Variants in CBX5 observed in about 807,000 individuals in gnomAD.
CBX5 encodes the protein chromobox protein homolog 5.
A neutral mutation model predicts 20.7 loss-of-function variants in CBX5; 7 were observed. The ratio of observed to expected loss-of-function variants is 0.34; its 90% CI spans 0.19 to 0.63. The LOEUF (loss-of-function observed/expected upper bound fraction) is 0.63. Among genes scored for constraint, CBX5 ranks in the 30% least tolerant of loss-of-function variants. The pLI is 0.75. For missense variants in CBX5, 110 were observed against 224.1 expected (o/e 0.49, Z 3.25); for synonymous variants, 78 against 77.0 (o/e 1.01, Z -0.07).
At position 54,257,680 on chromosome 12, in the gene CBX5, G is replaced by A. The variant is rs753302069; in HGVS notation, c.-30C>T. 6.8e-6 allele frequency: 11 copies of A among 1,613,782 alleles called. No homozygotes were observed. Among genetic ancestry groups the A allele is most frequent in the Non-Finnish European group, 8.5e-6 (10 of 1,179,844 alleles). On this transcript the variant is annotated 5_prime_UTR_variant, in exon 2 of 5. Coordinates refer to ENST00000209875, the MANE Select transcript of CBX5 (RefSeq NM_012117.3). The stretch of plus-strand genomic sequence containing the variant: ...CACACCGTTCCACCTGAAAGACTAA[G>A]GCCACCAGGTCCCTGCAAAGGCAAA...
At chr12:54,253,826 G>C (rs1273474336) in intron 2 of CBX5, among the ~76,000 whole-genome samples, 1 of 149,516 alleles carries the variant, frequency 6.7e-6, no homozygotes, top group East Asian at 2.0e-4. Flanking sequence ...GCAGTGGTGT[G>C]ATATCGGCTC....
At position 54,235,326 on chromosome 12, in the gene CBX5, C is replaced by CA. The variant is rs1287454473; in HGVS notation, c.*6428dup. On this transcript the variant is annotated 3_prime_UTR_variant, in exon 5 of 5. Coordinates refer to ENST00000209875, the MANE Select transcript of CBX5 (RefSeq NM_012117.3). ...CTGATACAATTCTCTGCTTAGAAAT[C>CA]ACCCTCTCGGCCCGGCGGTGGCTCA... 1.1e-4 allele frequency: 16 copies of CA among 152,344 alleles called. No homozygotes were observed. In the East Asian group the frequency reaches 3.1e-3, roughly 29 times the overall value. 9.4% of individuals were successfully genotyped at this position (152,344 alleles called of 1,614,324 possible).
chr12:54,249,905 A>G (rs1037086599), intron 3 of CBX5, among the ~76,000 whole-genome samples: 13 of 152,052 alleles, frequency 8.5e-5, no homozygotes, highest in Non-Finnish European at 1.6e-4. Flanking sequence ...GAGAATATAA[A>G]TGCCACTGAA....
intron 1 of CBX5, among the ~76,000 whole-genome samples, chr12:54,275,967 G>T (rs1944060801): frequency 6.9e-6 from 1 of 144,548 alleles, no homozygotes; most frequent in Non-Finnish European, 1.5e-5. Flanking sequence ...TCCAGACTGG[G>T]CAACAAGAGC....
chr12:54,249,894 A>G (rs1420725695), intron 3 of CBX5, among the ~76,000 whole-genome samples: 10 of 152,086 alleles, frequency 6.6e-5, no homozygotes, highest in Admixed American at 6.6e-4. Flanking sequence ...TAATAGATCA[A>G]GAGAATATAA....
intron 1 of CBX5, among the ~76,000 whole-genome samples, chr12:54,266,448 G>A (rs1943957340): frequency 6.6e-6 from 1 of 152,064 alleles, no homozygotes; most frequent in Admixed American, 6.6e-5. Flanking sequence ...ACTTGGCTGG[G>A]TGCCATGGCT....
intron 1 of CBX5, among the ~76,000 whole-genome samples, chr12:54,262,351 T>C (rs1382130981): frequency 6.6e-6 from 1 of 152,228 alleles, no homozygotes; most frequent in East Asian, 1.9e-4. Flanking sequence ...TTGAGTTCAA[T>C]TCCCTCCTTT....
In CBX5 at chr12:54,239,901, T is replaced by C. The variant is rs1943658666; in HGVS notation, c.*1854A>G. 6.6e-6 allele frequency: 1 copy of C among 152,238 alleles called. No homozygotes were observed. The highest frequency in any genetic ancestry group is 1.5e-5 in the Non-Finnish European group (1 of 68,034). The allele number at this position is 152,238 out of a possible 1,614,324, so 9.4% of individuals were successfully genotyped here. ...AGGGAAGCAATGTTAACAAATGCTA[T>C]GAATGGGTATATGATTTGCATATTA... On this transcript the variant is annotated 3_prime_UTR_variant, in exon 5 of 5. Transcript: ENST00000209875.
intron 1 of CBX5, chr12:54,274,314 T>G (rs1202767899): frequency 6.6e-6 from 1 of 152,210 alleles, no homozygotes; most frequent in Non-Finnish European, 1.5e-5. Flanking sequence ...TCCTTCCTAT[T>G]AGTACAATGA....
intron 1 of CBX5, among the ~76,000 whole-genome samples, chr12:54,263,805 A>G (rs1399458095): frequency 6.0e-5 from 9 of 150,188 alleles, no homozygotes; most frequent in Non-Finnish European, 1.0e-4. Context: ...AGAAAAAAAA[A>G]GGCCAGGCGC....
intron 3 of CBX5, among the ~76,000 whole-genome samples, chr12:54,249,822 C>CT (rs1177573235): frequency 6.6e-6 from 1 of 152,176 alleles, no homozygotes; most frequent in Non-Finnish European, 1.5e-5. Flanking sequence ...CATAAATACA[C>CT]TTCCCAAACT....
In CBX5 at chr12:54,234,124, A is replaced by C. The variant is rs1441984265; in HGVS notation, c.*7631T>G. On this transcript the variant is annotated 3_prime_UTR_variant, in exon 5 of 5. Coordinates refer to ENST00000209875, the MANE Select transcript of CBX5 (RefSeq NM_012117.3). ...AACCCGGGAGGCGGAGGTTGCAGTG[A>C]GCCAAGATCACGCCACTGCACTCCA... 1 of 137,902 alleles carries C rather than the reference A, an allele frequency of 7.3e-6. No homozygotes were observed. The highest frequency in any genetic ancestry group is 2.8e-5 in the African/African-American group (1 of 36,126). 8.5% of individuals were successfully genotyped at this position (137,902 alleles called of 1,614,324 possible).
chr12:54,244,540 C>A (rs1049418976), intron 4 of CBX5, among the ~76,000 whole-genome samples: 1 of 151,714 alleles, frequency 6.6e-6, no homozygotes, highest in Non-Finnish European at 1.5e-5. Context: ...GAGTTCGAGA[C>A]CAGCCTGACC....
chr12:54,253,727 C>CAAAAAAAAA (rs58403125), intron 2 of CBX5, among the ~76,000 whole-genome samples: 1 of 70,900 alleles, frequency 1.4e-5, no homozygotes, highest in African/African-American at 5.7e-5. Context: ...GATACCATCT[C>CAAAAAAAAA]AAAAAAAAAA....
rs1344877887 is a variant in CBX5, at chr12:54,240,650, T to C, written c.*1105A>G. The C allele has an allele frequency of 6.6e-6, 1 of 152,106 alleles. No homozygotes were observed. The highest frequency in any genetic ancestry group is 1.5e-5 in the Non-Finnish European group (1 of 68,012). The allele number at this position is 152,106 out of a possible 1,614,324, so 9.4% of individuals were successfully genotyped here. ...GAGCCAAGAATGCAGGAGACATAAC[T>C]GCTATGAACACTTAAAATTGATATT... On this transcript the variant is annotated 3_prime_UTR_variant, in exon 5 of 5. Coordinates refer to ENST00000209875, the MANE Select transcript of CBX5 (RefSeq NM_012117.3).
chr12:54,238,676 T>A lies in CBX5; in HGVS notation c.*3079A>T, dbSNP rs1214057610. ...CAGGTTTAAAATGGGTGCTCCCATGTAGGCTGATTTTCCCGGCATTTGATC... is the reference window on the plus strand; with the variant it reads ...CAGGTTTAAAATGGGTGCTCCCATGAAGGCTGATTTTCCCGGCATTTGATC... On this transcript the variant is annotated 3_prime_UTR_variant, in exon 5 of 5. Coordinates refer to ENST00000209875, the MANE Select transcript of CBX5 (RefSeq NM_012117.3). 1 of 152,218 alleles carries A rather than the reference T, an allele frequency of 6.6e-6. No individual in the cohort carries two copies. 9.4% of individuals were successfully genotyped at this position (152,218 alleles called of 1,614,324 possible).
At chr12:54,251,683 TCAAAA>T (rs1565869470) in intron 3 of CBX5, among the ~76,000 whole-genome samples, 1 of 152,108 alleles carries the variant, frequency 6.6e-6, no homozygotes, top group Non-Finnish European at 1.5e-5. Flanking sequence ...AGACTCTGTC[TCAAAA>T]CAAAACAAAA....
At chr12:54,256,732 G>A (rs1036989212) in intron 2 of CBX5, among the ~76,000 whole-genome samples, 4 of 152,074 alleles carry the variant, frequency 2.6e-5, no homozygotes, top group Admixed American at 6.5e-5. Context: ...TATTTTTCAC[G>A]TATTAGGTTA....
At chr12:54,259,498 CCTTT>C (rs1386748269) in intron 1 of CBX5, 1 of 152,664 alleles carries the variant, frequency 6.6e-6, no homozygotes, top group African/African-American at 2.4e-5. Context: ...GGGGTTCCCT[CCTTT>C]ACCTACCGGA....
Sources: gnomAD v4.1 joint callset for allele counts (sites outside exome capture counted in the v4.1 genomes callset) on GRCh38, gnomAD v4.1.1 for gene constraint, MANE v1.5 for transcripts, NCBI Gene and HGNC (gene_info 2026-07-23, HGNC 2026-07-21) for gene names.